Variants in ZFAND3 observed in about 807,000 individuals in gnomAD.
ZFAND3 encodes the protein AN1-type zinc finger protein 3.
ZFAND3 carries 10 observed loss-of-function variants against 29.6 expected under a neutral mutation model. That is an observed-to-expected ratio of 0.34 (90% CI 0.21 to 0.57). The LOEUF is 0.57. Ranked by LOEUF, ZFAND3 falls within the 20% of genes least tolerant of loss-of-function variation. The probability of loss-of-function intolerance (pLI) is 0.86; values close to 1 mark genes in which losing one functional copy is unlikely to be tolerated. For missense variants in ZFAND3, 230 were observed against 304.5 expected (o/e 0.76, Z 1.82); for synonymous variants, 128 against 112.6 (o/e 1.14, Z -0.87).
chr6:38,133,450 AAG>A (rs1361928139), intron 5 of ZFAND3, among the ~76,000 whole-genome samples: 1 of 151,940 alleles, frequency 6.6e-6, no homozygotes, highest in Non-Finnish European at 1.5e-5. Flanking sequence ...TTTGACTCTT[AAG>A]AGCATTGTTG....
At chr6:38,072,136 TTCTC>T (rs56193979) in intron 3 of ZFAND3, among the ~76,000 whole-genome samples, 76,237 of 131,316 alleles carry the variant, frequency 0.58, 19,247 homozygotes, top group Middle Eastern at 0.65. Context: ...CATTTTCTGT[TTCTC>T]TCTCTCTCTC....
intron 2 of ZFAND3, among the ~76,000 whole-genome samples, chr6:37,951,974 T>C (rs1204466883): frequency 6.6e-6 from 1 of 152,246 alleles, no homozygotes; most frequent in Non-Finnish European, 1.5e-5. Flanking sequence ...GTGGTTTTTC[T>C]TTTTAGTTCT....
rs925183925 is a variant in ZFAND3 at position 37,974,355 on chromosome 6, G to A, written c.112+44356G>A. ...GCTGGGATTACAGGCGTGAGCTACCGTGCCTGGCCTGAAATCATGCATTAT... is the reference window on the plus strand; with the variant it reads ...GCTGGGATTACAGGCGTGAGCTACCATGCCTGGCCTGAAATCATGCATTAT... On this transcript the variant is annotated intron_variant, in intron 2 of 5. Coordinates refer to ENST00000287218, the MANE Select transcript of ZFAND3 (RefSeq NM_021943.3). Among the ~76,000 whole-genome samples the A allele has an allele frequency of 1.2e-4, 18 of 149,764 alleles. 1 individual carries two copies. The highest frequency in any genetic ancestry group is 4.0e-4 in the Admixed American group (6 of 15,058).
rs70981524 is a variant in ZFAND3 at position 38,144,211 on chromosome 6, A to ATATATATAT, written c.530-8024_530-8023insTATATATAT. 1.1e-3 allele frequency among the ~76,000 whole-genome samples: 52 copies of ATATATATAT among 45,820 alleles called. 1 individual carries two copies. Among genetic ancestry groups the ATATATATAT allele is most frequent in the African/African-American group, 1.5e-3 (12 of 8,060 alleles). 30.1% of individuals were successfully genotyped at this position (45,820 alleles called of 152,430 possible). On this transcript the variant is annotated intron_variant, in intron 5 of 5. Coordinates refer to ENST00000287218, the MANE Select transcript of ZFAND3 (RefSeq NM_021943.3). Reference sequence around the variant, plus strand: ...TATATATATATATATATATATATATAATATATAATATATATATATATTTTT... The same window carrying ATATATATAT: ...TATATATATATATATATATATATATATATATATATATATATAATATATATATATATTTTT...
Position 37,859,976 on chromosome 6 carries a change from A to AT in ZFAND3, c.71+39962dup, listed in dbSNP as rs200031718. Among the ~76,000 whole-genome samples the AT allele has an allele frequency of 1.1e-3, 169 of 147,346 alleles. 2 individuals carry two copies. In the East Asian group the frequency reaches 0.029, roughly 26 times the overall value. Reference sequence around the variant, plus strand: ...AACCACCACCTCCTGGGTTTGAGTGATTCTCCTGCCTCAGCCTCCTAAGTG... The same window carrying AT: ...AACCACCACCTCCTGGGTTTGAGTGATTTCTCCTGCCTCAGCCTCCTAAGTG... On this transcript the variant is annotated intron_variant, in intron 1 of 5. Transcript: ENST00000287218.
intron 1 of ZFAND3, among the ~76,000 whole-genome samples, chr6:37,925,638 A>C (rs918397342): frequency 6.8e-6 from 1 of 146,220 alleles, no homozygotes; most frequent in African/African-American, 2.6e-5. Context: ...CAGGAGGCGG[A>C]GGTTGCAGTG....
chr6:38,058,227 G>A (rs12664900), intron 2 of ZFAND3, among the ~76,000 whole-genome samples: 13,429 of 152,148 alleles, frequency 0.088, 776 homozygotes, highest in East Asian at 0.29. Flanking sequence ...TCTGTCTCCA[G>A]GCATTGGGGA....
intron 1 of ZFAND3, among the ~76,000 whole-genome samples, chr6:37,906,044 A>G (rs1236638655): frequency 1.3e-5 from 2 of 152,182 alleles, no homozygotes; most frequent in Non-Finnish European, 2.9e-5. Context: ...ATGGTATAAT[A>G]CTTACACAAT....
At chr6:37,946,159 C>T (rs1761898106) in intron 2 of ZFAND3, among the ~76,000 whole-genome samples, 1 of 152,096 alleles carries the variant, frequency 6.6e-6, no homozygotes, top group Non-Finnish European at 1.5e-5. Context: ...TAAAAGCATA[C>T]AAGTCTGTTT....
At chr6:38,002,079 G>A (rs531244979) in intron 2 of ZFAND3, among the ~76,000 whole-genome samples, 2 of 152,174 alleles carry the variant, frequency 1.3e-5, no homozygotes, top group South Asian at 4.1e-4. Context: ...CAATAAAACG[G>A]CTGAATTATA....
At chr6:37,936,630 A>G (rs1761703207) in intron 2 of ZFAND3, among the ~76,000 whole-genome samples, 1 of 152,254 alleles carries the variant, frequency 6.6e-6, no homozygotes, top group African/African-American at 2.4e-5. Flanking sequence ...GTATAGTTGC[A>G]TGAGATAAAG....
chr6:37,955,952 C>T (rs777244009), intron 2 of ZFAND3, among the ~76,000 whole-genome samples: 52 of 152,142 alleles, frequency 3.4e-4, no homozygotes, highest in Non-Finnish European at 6.5e-4. Context: ...AATTGGTTGC[C>T]TGTGCTTGTG....
intron 2 of ZFAND3, among the ~76,000 whole-genome samples, chr6:37,993,159 G>A (rs549146129): frequency 1.3e-5 from 2 of 151,422 alleles, no homozygotes; most frequent in Admixed American, 6.6e-5. Flanking sequence ...AATTTTTATC[G>A]TTAAGAAGTG....
intron 3 of ZFAND3, among the ~76,000 whole-genome samples, chr6:38,077,725 C>CAG (rs1316856877): frequency 6.6e-6 from 1 of 152,214 alleles, no homozygotes; most frequent in Non-Finnish European, 1.5e-5. Context: ...CAAAACTTTT[C>CAG]AGAGTAGATT....
chr6:38,006,677 T>TAA (rs753944317), intron 2 of ZFAND3, among the ~76,000 whole-genome samples: 14 of 141,160 alleles, frequency 9.9e-5, no homozygotes, highest in South Asian at 2.2e-4. Flanking sequence ...TTTTTTTTTT[T>TAA]AATTGATGGT....
chr6:37,820,469 C>T (rs1215618221), intron 1 of ZFAND3, among the ~76,000 whole-genome samples: 2 of 152,224 alleles, frequency 1.3e-5, no homozygotes, highest in Non-Finnish European at 2.9e-5. Flanking sequence ...TCCCCGTCCT[C>T]CGGAGACTTG....
chr6:37,878,127 G>A (rs1362864779), intron 1 of ZFAND3, among the ~76,000 whole-genome samples: 11 of 152,178 alleles, frequency 7.2e-5, no homozygotes, highest in Admixed American at 6.5e-4. Context: ...AATGTGGACA[G>A]CCTGTGACAC....
intron 3 of ZFAND3, 98 bp downstream of exon 3, chr6:38,061,873 T>G: frequency 7.2e-7 from 1 of 1,397,412 alleles, no homozygotes; most frequent in East Asian, 2.5e-5. Flanking sequence ...CAGCACTTCT[T>G]TTAATTCAAG....
chr6:38,003,673 G>GTT (rs146304338), intron 2 of ZFAND3: 4,073 of 279,702 alleles, frequency 0.015, 5 homozygotes, highest in Middle Eastern at 0.025. Flanking sequence ...TAATTTTTGT[G>GTT]TTTTTTTTTT....
Sources: gnomAD v4.1 joint callset for allele counts (sites outside exome capture counted in the v4.1 genomes callset) on GRCh38, gnomAD v4.1.1 for gene constraint, MANE v1.5 for transcripts, NCBI Gene and HGNC (gene_info 2026-07-23, HGNC 2026-07-21) for gene names.